Variants in ANK3 observed in about 807,000 individuals in gnomAD.
The protein encoded by ANK3 is ankyrin-3.
In ANK3, 57 loss-of-function variants were observed where a neutral mutation model predicts 370.9. That is an observed-to-expected ratio of 0.15 (90% CI 0.12 to 0.19). The LOEUF (loss-of-function observed/expected upper bound fraction) is 0.19, where lower values mean the gene tolerates loss of function less well. Among genes scored for constraint, ANK3 ranks in the 10% least tolerant of loss-of-function variants. ANK3 has a pLI of 1.00. For synonymous variants in ANK3, 1,929 were observed against 1,946.3 expected (o/e 0.99, Z 0.23); for missense variants, 4,439 against 5,302.1 (o/e 0.84, Z 5.06).
chr10:60,413,048 C>T (rs769692767), intron 2 of ANK3, among the ~76,000 whole-genome samples: 1 of 152,130 alleles, frequency 6.6e-6, no homozygotes. Context: ...ACAATAAAAC[C>T]TGACTTTACA....
At chr10:60,733,180 C>T (rs2080050571) in intron 1 of ANK3, 1 of 1,188,832 alleles carries the variant, frequency 8.4e-7, no homozygotes, top group Non-Finnish European at 1.1e-6. Flanking sequence ...TGGGGCCCCC[C>T]GGCCCGGGCC....
intron 1 of ANK3, among the ~76,000 whole-genome samples, chr10:60,732,560 G>A (rs772110747): frequency 2.0e-5 from 3 of 152,072 alleles, no homozygotes; most frequent in Non-Finnish European, 2.9e-5. Context: ...CGAAGAGAAG[G>A]TAAATCCACC....
At chr10:60,733,126 G>A (rs1327778049) in intron 1 of ANK3, 9 of 676,034 alleles carry the variant, frequency 1.3e-5, no homozygotes, top group Non-Finnish European at 1.9e-5. Flanking sequence ...CGCCCTCCCG[G>A]AGCCTCGCGG....
intron 1 of ANK3, among the ~76,000 whole-genome samples, chr10:60,674,479 C>T (rs143462573): frequency 1.3e-5 from 2 of 152,140 alleles, no homozygotes; most frequent in African/African-American, 2.4e-5. Context: ...CCAGATCTCA[C>T]GTGAACTCAG....
intron 2 of ANK3, among the ~76,000 whole-genome samples, chr10:60,607,610 C>T (rs971470249): frequency 3.3e-5 from 5 of 152,150 alleles, no homozygotes; most frequent in Admixed American, 6.6e-5. Context: ...ACAAGGCTGA[C>T]ATCTTAATTG....
intron 2 of ANK3, among the ~76,000 whole-genome samples, chr10:60,524,544 G>A (rs1281151021): frequency 6.6e-6 from 1 of 152,062 alleles, no homozygotes. Flanking sequence ...CTCTTTGCCT[G>A]CTGCCATCTA....
At chr10:60,711,981 A>T (rs2079715529) in intron 1 of ANK3, among the ~76,000 whole-genome samples, 1 of 152,248 alleles carries the variant, frequency 6.6e-6, no homozygotes, top group Non-Finnish European at 1.5e-5. Context: ...CAAGAAAATT[A>T]TTCTTTAAAA....
intron 2 of ANK3, among the ~76,000 whole-genome samples, chr10:60,586,973 T>C (rs2077841192): frequency 6.6e-6 from 1 of 152,132 alleles, no homozygotes; most frequent in Non-Finnish European, 1.5e-5. Context: ...ATTTTCAAAC[T>C]GCTATACAGA....
Position 60,389,542 on chromosome 10 carries a change from G to T in ANK3, c.-4C>A. ...ATTGTGAGGCTGCATGAGCCATAAT[G>T]CATTTAAAAAGATCCTCTCAAGCAC... On this transcript the variant is annotated 5_prime_UTR_variant, in exon 1 of 44. Transcript: ENST00000280772. 1 of 1,613,244 alleles carries T rather than the reference G, an allele frequency of 6.2e-7. No homozygotes were observed. The highest frequency in any genetic ancestry group is 1.7e-4 in the Middle Eastern group (1 of 6,060).
Position 60,088,207 on chromosome 10 carries a change from G to GCTT in ANK3, c.3479_3480insAAG (p.Pro1160_Leu1161insSer). ...CCTCTGGGAAAGATGCTTGAACAAG[G>GCTT]GGCACTGTGGTGCTGCTCAGAATTC... On this transcript the variant is annotated inframe_insertion, in exon 29 of 44. Coordinates refer to ENST00000280772, the MANE Select transcript of ANK3 (RefSeq NM_020987.5). The GCTT allele has an allele frequency of 6.2e-7, 1 of 1,614,158 alleles. No individual in the cohort carries two copies. The highest frequency in any genetic ancestry group is 8.5e-7 in the Non-Finnish European group (1 of 1,180,020).
chr10:60,721,215 C>T (rs1005063637), intron 1 of ANK3, among the ~76,000 whole-genome samples: 1 of 152,166 alleles, frequency 6.6e-6, no homozygotes, highest in Non-Finnish European at 1.5e-5. Context: ...CTGTCACCAT[C>T]TGCAGAAGAC....
intron 1 of ANK3, among the ~76,000 whole-genome samples, chr10:60,389,138 C>T (rs369439885): frequency 1.2e-4 from 18 of 152,252 alleles, no homozygotes; most frequent in African/African-American, 4.3e-4. Context: ...TTGTAACTCC[C>T]TCACAGCACC....
intron 1 of ANK3, among the ~76,000 whole-genome samples, chr10:60,680,138 A>G (rs1249843571): frequency 6.7e-4 from 13 of 19,494 alleles, no homozygotes; most frequent in Admixed American, 2.0e-3. Flanking sequence ...CTGTCTCGGG[A>G]AAAAAAAAAA....
Position 60,246,255 on chromosome 10 carries a change from C to CAAAAAAAAAAA in ANK3, c.799-11480_799-11470dup, listed in dbSNP as rs869144298. Among the ~76,000 whole-genome samples the CAAAAAAAAAAA allele has an allele frequency of 1.4e-4, 13 of 92,664 alleles. 2 individuals carry two copies. Among genetic ancestry groups the CAAAAAAAAAAA allele is most frequent in the African/African-American group, 6.1e-4 (13 of 21,258 alleles). The allele number at this position is 92,664 out of a possible 152,430, so 60.8% of individuals were successfully genotyped here. A position where few individuals can be genotyped will look rare whatever the true frequency, so the allele number is the denominator to read the frequency against. The stretch of plus-strand genomic sequence containing the variant: ...TGGGCAACAGAGAGAAACCCTGTAT[C>CAAAAAAAAAAA]AAAAAAAAAAAAAAAAAAAAAAAAA... On this transcript the variant is annotated intron_variant, in intron 7 of 43. Coordinates refer to ENST00000280772, the MANE Select transcript of ANK3 (RefSeq NM_020987.5).
At position 60,545,547 on chromosome 10, in the gene ANK3, G is replaced by A. The variant is rs140628127; in HGVS notation, c.96+69639C>T. On this transcript the variant is annotated intron_variant, in intron 2 of 43. Coordinates refer to the ANK3 transcript ENST00000373827. The stretch of plus-strand genomic sequence containing the variant: ...AAAACTTGAAAAAAAAATTCTAGAA[G>A]CCTTCAAGCCTGCAAGTATGATGGC... Among the ~76,000 whole-genome samples the A allele has an allele frequency of 6.1e-4, 92 of 151,704 alleles. No homozygotes were observed. The East Asian group carries it at 0.017, about 28-fold the overall frequency.
chr10:60,489,259 C>A (rs1026520447), intron 2 of ANK3, among the ~76,000 whole-genome samples: 14 of 152,130 alleles, frequency 9.2e-5, no homozygotes, highest in Non-Finnish European at 1.5e-4. Flanking sequence ...AAATACCAAC[C>A]CTGAAAGTAG....
At chr10:60,523,939 A>G (rs2076409776) in intron 2 of ANK3, among the ~76,000 whole-genome samples, 1 of 152,114 alleles carries the variant, frequency 6.6e-6, no homozygotes, top group Non-Finnish European at 1.5e-5. Flanking sequence ...CTACATCTGC[A>G]CACATATGTA....
intron 2 of ANK3, among the ~76,000 whole-genome samples, chr10:60,456,068 T>C (rs2064739409): frequency 1.3e-5 from 2 of 152,226 alleles, no homozygotes; most frequent in South Asian, 4.1e-4. Context: ...ATGTCACACA[T>C]GTGACAGAAT....
intron 1 of ANK3, among the ~76,000 whole-genome samples, chr10:60,671,931 ATAACTGCAGT>A (rs1168274390): frequency 1.2e-4 from 18 of 152,234 alleles, no homozygotes; most frequent in African/African-American, 4.3e-4. Flanking sequence ...ATGTATGCAG[ATAACTGCAGT>A]CCCAGCTGAC....
Sources: allele counts gnomAD v4.1 joint callset (sites outside exome capture counted in the v4.1 genomes callset), GRCh38; gene constraint gnomAD v4.1.1; transcripts MANE v1.5; gene names NCBI Gene and HGNC (gene_info 2026-07-23, HGNC 2026-07-21).